The following CHN1 variants were observed in gnomAD, a reference collection of about 807,000 sequenced individuals.
CHN1 encodes chimerin 1.
In CHN1, 37 loss-of-function variants were observed where a neutral mutation model predicts 59.5. That is an observed-to-expected ratio of 0.62 (90% CI 0.48 to 0.82). The LOEUF is 0.82. CHN1 is among the 40% of genes least tolerant of loss of function. The pLI is 0.00. For synonymous variants in CHN1, 206 were observed against 200.4 expected (o/e 1.03, Z -0.24); for missense variants, 469 against 571.0 (o/e 0.82, Z 1.82).
At chr2:174,831,077 T>A (rs1019221173) in intron 7 of CHN1, among the ~76,000 whole-genome samples, 1 of 152,170 alleles carries the variant, frequency 6.6e-6, no homozygotes, top group Non-Finnish European at 1.5e-5. Context: ...TATAACAATA[T>A]GACTATTAGG....
At position 174,800,049 on chromosome 2, in the gene CHN1, G is replaced by A. The variant is rs1428306933; in HGVS notation, c.*67C>T. ...ATCAAGAAATAATGCAGCTACAGGA[G>A]CAAATTAAATTACTATAAAACATTC... On this transcript the variant is annotated 3_prime_UTR_variant, in exon 13 of 13. Coordinates refer to ENST00000409900, the MANE Select transcript of CHN1 (RefSeq NM_001822.7). 1.4e-6 allele frequency: 2 copies of A among 1,398,522 alleles called. No individual in the cohort carries two copies. Among genetic ancestry groups the A allele is most frequent in the South Asian group, 1.2e-5 (1 of 80,376 alleles). The allele number at this position is 1,398,522 out of a possible 1,614,324, so 86.6% of individuals were successfully genotyped here. A position where few individuals can be genotyped will look rare whatever the true frequency, so the allele number is the denominator to read the frequency against.
At chr2:174,918,901 T>C (rs958125718) in intron 3 of CHN1, among the ~76,000 whole-genome samples, 3 of 152,306 alleles carry the variant, frequency 2.0e-5, no homozygotes, top group South Asian at 4.1e-4. Context: ...ACACACTCAA[T>C]TGCAGCTTTC....
intron 9 of CHN1, chr2:174,812,064 A>G (rs1364083990): frequency 1.6e-5 from 6 of 363,836 alleles, no homozygotes; most frequent in African/African-American, 6.3e-5. Context: ...GCAGACTGGA[A>G]GCATCATCTA....
intron 1 of CHN1, 114 bp downstream of exon 1, chr2:175,004,780 C>T: frequency 2.2e-6 from 1 of 456,568 alleles, no homozygotes; most frequent in Non-Finnish European, 2.9e-6. Flanking sequence ...CCCCGGCCCG[C>T]CCCGACCCCA....
chr2:174,813,116 C>T (rs1341815436), intron 8 of CHN1, among the ~76,000 whole-genome samples: 1 of 152,150 alleles, frequency 6.6e-6, no homozygotes, highest in Non-Finnish European at 1.5e-5. Flanking sequence ...TTCACTTAAA[C>T]TCACAAAGCT....
At chr2:174,851,986 C>A (rs1207452894) in intron 6 of CHN1, among the ~76,000 whole-genome samples, 1 of 152,044 alleles carries the variant, frequency 6.6e-6, no homozygotes, top group Non-Finnish European at 1.5e-5. Context: ...AAATCAAGAA[C>A]ATAATCCCAT....
chr2:174,844,299 T>C (rs1299119628), intron 7 of CHN1, among the ~76,000 whole-genome samples: 2 of 152,092 alleles, frequency 1.3e-5, no homozygotes, highest in Non-Finnish European at 2.9e-5. Context: ...CAAACGCCTG[T>C]CTGTAGGCTG....
chr2:174,801,888 C>T, intron 11 of CHN1, 76 bp from the exon 12 acceptor site: 1 of 1,067,014 alleles, frequency 9.4e-7, no homozygotes, highest in Non-Finnish European at 1.5e-6. Context: ...GAATTCTATT[C>T]TTGTGATAAT....
intron 1 of CHN1, among the ~76,000 whole-genome samples, chr2:174,983,682 G>A (rs1308850447): frequency 1.3e-5 from 2 of 152,122 alleles, no homozygotes; most frequent in East Asian, 1.9e-4. Flanking sequence ...ACAAAAATTA[G>A]CTGGGCTTGG....
chr2:174,924,042 AC>A (rs1689094421), intron 3 of CHN1, among the ~76,000 whole-genome samples: 2 of 152,150 alleles, frequency 1.3e-5, no homozygotes, highest in Non-Finnish European at 2.9e-5. Flanking sequence ...ATCACAATAT[AC>A]TACCCTAAAA....
At chr2:174,984,932 A>G (rs1691289975) in intron 1 of CHN1, among the ~76,000 whole-genome samples, 1 of 152,228 alleles carries the variant, frequency 6.6e-6, no homozygotes, top group African/African-American at 2.4e-5. Context: ...ACAAGAATGA[A>G]GAAAAAAAAT....
At chr2:174,937,756 C>A in intron 3 of CHN1, among the ~76,000 whole-genome samples, 1 of 151,956 alleles carries the variant, frequency 6.6e-6, no homozygotes, top group East Asian at 1.9e-4. Flanking sequence ...ACCATGAAAT[C>A]TGATTGCTAA....
intron 1 of CHN1, among the ~76,000 whole-genome samples, chr2:174,962,670 G>GGGT (rs1690451644): frequency 2.8e-5 from 2 of 71,736 alleles, no homozygotes; most frequent in African/African-American, 5.9e-5. Context: ...GCCCGGGGGG[G>GGGT]GGGGGGGGGG....
chr2:174,971,370 G>A (rs1184240287), intron 1 of CHN1, among the ~76,000 whole-genome samples: 2 of 152,122 alleles, frequency 1.3e-5, no homozygotes, highest in African/African-American at 4.8e-5. Flanking sequence ...AACATGTAAG[G>A]AGTTTATTTT....
At chr2:174,820,611 G>A (rs1037037160) in intron 8 of CHN1, among the ~76,000 whole-genome samples, 3 of 152,210 alleles carry the variant, frequency 2.0e-5, no homozygotes, top group Admixed American at 2.0e-4. Flanking sequence ...ATGTCACCTT[G>A]CACTGCGTGG....
chr2:174,804,948 C>T (rs1209386469), intron 11 of CHN1, among the ~76,000 whole-genome samples: 1 of 152,238 alleles, frequency 6.6e-6, no homozygotes, highest in Admixed American at 6.5e-5. Context: ...AGACATTCTT[C>T]TCCAGAACTC....
rs553437229 is a variant in CHN1, at chr2:174,898,041, A to C, written c.260+17017T>G. Among the ~76,000 whole-genome samples the C allele has an allele frequency of 3.3e-5, 5 of 152,294 alleles. 1 individual carries two copies. Among genetic ancestry groups the C allele is most frequent in the African/African-American group, 1.2e-4 (5 of 41,568 alleles). ...CCCTAGACTAACTACTACATTTCTC[A>C]GCTTCTTTTACCTTACTGGTAGGAG... On this transcript the variant is annotated intron_variant, in intron 5 of 12. Transcript: ENST00000409900.
At chr2:174,807,700 C>G (rs1490698375) in intron 11 of CHN1, among the ~76,000 whole-genome samples, 1 of 152,242 alleles carries the variant, frequency 6.6e-6, no homozygotes, top group Non-Finnish European at 1.5e-5. Context: ...CAGCTGTTCT[C>G]TACATGGGAG....
At chr2:174,830,004 C>T (rs374771435) in intron 7 of CHN1, among the ~76,000 whole-genome samples, 11 of 151,992 alleles carry the variant, frequency 7.2e-5, no homozygotes, top group African/African-American at 2.7e-4. Flanking sequence ...TGGCCGGGCG[C>T]GGTGGCTCAC....
Sources: gnomAD v4.1 joint callset for allele counts (sites outside exome capture counted in the v4.1 genomes callset) on GRCh38, gnomAD v4.1.1 for gene constraint, MANE v1.5 for transcripts, NCBI Gene and HGNC (gene_info 2026-07-23, HGNC 2026-07-21) for gene names.